The following DPY19L1 variants were observed in gnomAD, a reference collection of about 807,000 sequenced individuals.
DPY19L1 encodes the protein dpy-19 like C-mannosyltransferase 1.
In DPY19L1, 35 loss-of-function variants were observed where a neutral mutation model predicts 96.9. The ratio of observed to expected loss-of-function variants is 0.36; its 90% CI spans 0.28 to 0.48. The LOEUF (loss-of-function observed/expected upper bound fraction) is 0.48, where lower values mean the gene tolerates loss of function less well. Ranked by LOEUF, DPY19L1 falls within the 20% of genes least tolerant of loss-of-function variation. The pLI is 0.99. For missense variants in DPY19L1, 521 were observed against 777.9 expected (o/e 0.67, Z 3.93); for synonymous variants, 205 against 252.6 (o/e 0.81, Z 1.79).
intron 6 of DPY19L1, among the ~76,000 whole-genome samples, chr7:34,995,917 G>A (rs1474498653): frequency 2.7e-5 from 2 of 73,498 alleles, no homozygotes; most frequent in South Asian, 8.2e-4. Flanking sequence ...TGGCGGCGGT[G>A]GGGGGGGCGG....
intron 7 of DPY19L1, among the ~76,000 whole-genome samples, chr7:34,987,490 T>G (rs1443117555): frequency 1.3e-5 from 2 of 152,184 alleles, no homozygotes; most frequent in East Asian, 1.9e-4. Context: ...AAGAAAATTT[T>G]AAAAAAGTAA....
chr7:34,995,712 T>C (rs1161558078), intron 6 of DPY19L1, among the ~76,000 whole-genome samples: 2 of 152,154 alleles, frequency 1.3e-5, no homozygotes, highest in Non-Finnish European at 2.9e-5. Flanking sequence ...AATTCAAAAC[T>C]ATATTAAATA....
chr7:34,940,041 A>G, intron 19 of DPY19L1, 112 bp downstream of exon 19: 2 of 950,826 alleles, frequency 2.1e-6, no homozygotes, highest in Non-Finnish European at 2.9e-6. Context: ...CATTGCATAG[A>G]AAGAGTGAGA....
At chr7:34,978,433 A>G (rs1421337990) in intron 7 of DPY19L1, among the ~76,000 whole-genome samples, 1 of 152,188 alleles carries the variant, frequency 6.6e-6, no homozygotes, top group East Asian at 1.9e-4. Context: ...TGCTGGCACC[A>G]TGAAGGTTAT....
chr7:34,948,896 C>T (rs1224633067), intron 14 of DPY19L1, among the ~76,000 whole-genome samples: 1 of 152,256 alleles, frequency 6.6e-6, no homozygotes, highest in Non-Finnish European at 1.5e-5. Context: ...ACACACTCAA[C>T]TCCAAATGGC....
At chr7:35,028,318 T>C (rs1376782311) in intron 1 of DPY19L1, among the ~76,000 whole-genome samples, 1 of 152,206 alleles carries the variant, frequency 6.6e-6, no homozygotes, top group African/African-American at 2.4e-5. Context: ...AAACGATTTA[T>C]TTTAAAGTGA....
chr7:35,011,541 A>AT, intron 4 of DPY19L1, 91 bp from the exon 5 acceptor site: 1 of 1,279,824 alleles, frequency 7.8e-7, no homozygotes. Flanking sequence ...CAATTACCAT[A>AT]TTTTCCCTTT....
rs143537817 is a variant in DPY19L1, at chr7:34,988,429, T to C, written c.822+1455A>G. On this transcript the variant is annotated intron_variant, in intron 7 of 21. Transcript: ENST00000638088. ...GGATCCACAGTCAGGAAAAACCAAA[T>C]CTTTTTTTTTTTTTTAAACACATAC... Among the ~76,000 whole-genome samples the C allele has an allele frequency of 6.2e-3, 943 of 151,692 alleles. 11 individuals are homozygous for C. The highest frequency in any genetic ancestry group is 0.022 in the African/African-American group (895 of 41,252).
intron 6 of DPY19L1, among the ~76,000 whole-genome samples, chr7:35,005,636 TAAAAAAAAAAA>T: frequency 1.2e-5 from 1 of 84,472 alleles, no homozygotes; most frequent in Non-Finnish European, 2.3e-5. Flanking sequence ...CTGTCTCTAC[TAAAAAAAAAAA>T]AAAAAAAAAA....
intron 1 of DPY19L1, among the ~76,000 whole-genome samples, chr7:35,022,292 A>G (rs1786013746): frequency 6.6e-6 from 1 of 152,216 alleles, no homozygotes; most frequent in Non-Finnish European, 1.5e-5. Flanking sequence ...ATCCAAACCT[A>G]TTCTATAAGA....
At chr7:34,959,922 TATTTATATATA>T (rs1784463885) in intron 10 of DPY19L1, among the ~76,000 whole-genome samples, 1 of 58,324 alleles carries the variant, frequency 1.7e-5, no homozygotes, top group Non-Finnish European at 3.0e-5. Flanking sequence ...TATATATATA[TATTTATATATA>T]TATATATATA....
In DPY19L1 at chr7:34,973,531, T is replaced by A. The variant is rs199681894; in HGVS notation, c.897A>T (p.Leu299=). The A allele has an allele frequency of 5.2e-4, 802 of 1,538,560 alleles. 3 individuals carry two copies. The highest frequency in any genetic ancestry group is 3.0e-4 in the Non-Finnish European group (346 of 1,142,252). The change falls in exon 8 of 22, where the codon CTA becomes CTT. Residue 299 remains leucine (L), a synonymous_variant. Coordinates refer to ENST00000638088, the MANE Select transcript of DPY19L1 (RefSeq NM_001366673.1). The part of the protein sequence containing the change: ...SYPFLVLQML[L]VTHILRATKL... ...AAAGTTACCTGAGAATATGAGTCAC[T>A]AGCAACATCTGAAGAACAAGAAATG...
intron 6 of DPY19L1, among the ~76,000 whole-genome samples, chr7:35,002,039 ATTGC>A (rs1785437931): frequency 6.7e-6 from 1 of 149,440 alleles, no homozygotes. Context: ...GCAAGAAAAA[ATTGC>A]TTGAACCCAG....
Position 34,945,724 on chromosome 7 carries a change from T to A in DPY19L1, c.1495-8A>T. 6.3e-7 allele frequency: 1 copy of A among 1,588,216 alleles called. No individual in the cohort carries two copies. Among genetic ancestry groups the A allele is most frequent in the Non-Finnish European group, 8.6e-7 (1 of 1,163,732 alleles). Reference sequence around the variant, plus strand: ...CCACATATCACTAATAATCTGTAAATAGATTTTGAAACACTTTAGAAAAGC... The same window carrying A: ...CCACATATCACTAATAATCTGTAAAAAGATTTTGAAACACTTTAGAAAAGC... On this transcript the variant is annotated splice_region_variant and splice_polypyrimidine_tract_variant and intron_variant, in intron 15 of 21. Transcript: ENST00000638088.
At chr7:34,974,689 T>C (rs1256249924) in intron 7 of DPY19L1, among the ~76,000 whole-genome samples, 1 of 152,136 alleles carries the variant, frequency 6.6e-6, no homozygotes, top group African/African-American at 2.4e-5. Flanking sequence ...TGATTGACAG[T>C]AAGATACATG....
At chr7:35,019,657 C>T (rs1048016463) in intron 1 of DPY19L1, among the ~76,000 whole-genome samples, 1 of 151,942 alleles carries the variant, frequency 6.6e-6, no homozygotes, top group African/African-American at 2.4e-5. Flanking sequence ...TAGATCAGAT[C>T]TTATTGTTTT....
chr7:34,994,425 GAAC>G (rs1399794044), intron 6 of DPY19L1, among the ~76,000 whole-genome samples: 2 of 152,056 alleles, frequency 1.3e-5, no homozygotes, highest in Non-Finnish European at 2.9e-5. Flanking sequence ...AAAATTCCCT[GAAC>G]AACGAGGAAT....
intron 7 of DPY19L1, among the ~76,000 whole-genome samples, chr7:34,989,222 A>C (rs1265695857): frequency 6.6e-6 from 1 of 152,224 alleles, no homozygotes; most frequent in Non-Finnish European, 1.5e-5. Context: ...TAGTTTCTGC[A>C]ACAAAAAGTT....
At chr7:35,014,545 C>T (rs1044002086) in intron 3 of DPY19L1, among the ~76,000 whole-genome samples, 2 of 152,066 alleles carry the variant, frequency 1.3e-5, no homozygotes, top group African/African-American at 4.8e-5. Flanking sequence ...CCAGTAGCTG[C>T]CAAAGTTTAA....
Sources: allele counts gnomAD v4.1 joint callset (sites outside exome capture counted in the v4.1 genomes callset), GRCh38; gene constraint gnomAD v4.1.1; transcripts MANE v1.5; gene names NCBI Gene and HGNC (gene_info 2026-07-23, HGNC 2026-07-21).